RANBP10: variants seen among roughly 807,000 people sequenced by gnomAD.
RANBP10 encodes the protein RAN binding protein 10.
A neutral mutation model predicts 72.8 loss-of-function variants in RANBP10; 24 were observed. The ratio of observed to expected loss-of-function variants is 0.33; its 90% CI spans 0.24 to 0.46. The LOEUF (loss-of-function observed/expected upper bound fraction) is 0.46, where lower values mean the gene tolerates loss of function less well. RANBP10 is among the 20% of genes least tolerant of loss of function. RANBP10 has a pLI of 1.00. For missense variants in RANBP10, 679 were observed against 817.5 expected, an observed-to-expected ratio of 0.83 and a Z score of 2.07; for synonymous variants, 310 against 322.3, an observed-to-expected ratio of 0.96 and a Z score of 0.41.
At chr16:67,758,117 G>A (rs949026581) in intron 3 of RANBP10, among the ~76,000 whole-genome samples, 1 of 152,206 alleles carries the variant, frequency 6.6e-6, no homozygotes, top group Non-Finnish European at 1.5e-5. Flanking sequence ...TCCCCACTCA[G>A]AAGAAGTAGA....
intron 5 of RANBP10, among the ~76,000 whole-genome samples, chr16:67,736,902 T>C (rs1437263720): frequency 2.6e-5 from 4 of 152,152 alleles, no homozygotes; most frequent in Non-Finnish European, 5.9e-5. Flanking sequence ...ACAAAGGCAT[T>C]TCCTGGGGCA....
At chr16:67,766,670 C>T (rs1242761969) in intron 3 of RANBP10, among the ~76,000 whole-genome samples, 2 of 152,078 alleles carry the variant, frequency 1.3e-5, no homozygotes, top group Admixed American at 1.3e-4. Flanking sequence ...CATGTACAGC[C>T]CTGAATCATG....
At chr16:67,734,793 G>A in intron 6 of RANBP10, 65 bp downstream of exon 6, 2 of 1,425,870 alleles carry the variant, frequency 1.4e-6, no homozygotes, top group Non-Finnish European at 1.8e-6. Context: ...TAGCCCTACA[G>A]GGGCCTAGAG....
At chr16:67,801,696 C>T (rs891046587) in intron 2 of RANBP10, among the ~76,000 whole-genome samples, 1 of 152,078 alleles carries the variant, frequency 6.6e-6, no homozygotes, top group Admixed American at 6.6e-5. Flanking sequence ...CTCCTGCCTG[C>T]AATCCCAGCA....
At chr16:67,774,831 A>G (rs1346294667) in intron 2 of RANBP10, among the ~76,000 whole-genome samples, 1 of 152,094 alleles carries the variant, frequency 6.6e-6, no homozygotes, top group Admixed American at 6.6e-5. Flanking sequence ...TCTTCCAGAA[A>G]CTCTTCATAA....
intron 2 of RANBP10, among the ~76,000 whole-genome samples, chr16:67,781,035 G>A (rs574090846): frequency 6.6e-5 from 10 of 152,226 alleles, no homozygotes; most frequent in Non-Finnish European, 1.2e-4. Context: ...CATGTCCCAT[G>A]TGCTCTCAGA....
rs545448666 is a variant in RANBP10, at chr16:67,728,472, G to C, written c.1392C>G (p.Asn464Lys). The C allele has an allele frequency of 6.2e-7, 1 of 1,614,180 alleles. No individual in the cohort carries two copies. The highest frequency in any genetic ancestry group is 1.1e-5 in the South Asian group (1 of 91,086). The change falls in exon 11 of 14, where the codon AAC becomes AAG. Residue 464 changes from asparagine to lysine, a missense_variant. Transcript: ENST00000317506. ...GTGTGGACATGCTTCCTAGCACACC[G>C]TTGGGGTAGTGCTCTGCCTCCATCT... ...EMEMEAEHYPNGVLGSMSTRI... is the reference protein window; with the variant it reads ...EMEMEAEHYPKGVLGSMSTRI...
chr16:67,801,800 TA>T lies in RANBP10; in HGVS notation c.347+3627del, dbSNP rs1022696314. 6.4e-3 allele frequency among the ~76,000 whole-genome samples: 949 copies of T among 149,238 alleles called. 5 individuals carry two copies. The highest frequency in any genetic ancestry group is 0.022 in the African/African-American group (885 of 40,720). On this transcript the variant is annotated intron_variant, in intron 2 of 13. Transcript: ENST00000317506. ...CAAGATCCCATCTCTATAAAATAGT[TA>T]AAAAAAAAATCAGCTGGGCATGGTG...
At position 67,744,448 on chromosome 16, in the gene RANBP10, G is replaced by C; in HGVS notation, c.408C>G (p.Asp136Glu). The change falls in exon 4 of 14, where the codon GAC becomes GAG. Residue 136 changes from aspartate (D) to glutamate (E), a missense_variant. Physicochemically the swap from Asp to Glu is conservative, Grantham distance 45 (BLOSUM62 2). Coordinates refer to ENST00000317506, the MANE Select transcript of RANBP10 (RefSeq NM_020850.3). ...GVNMNRLPGW[D>E]KHSYGYHGDD... Reference sequence around the variant, plus strand: ...CACCATGGTAACCATAGGAATGTTTGTCCCAACCTGTGGGGGAAGAGAGCA... The same window carrying C: ...CACCATGGTAACCATAGGAATGTTTCTCCCAACCTGTGGGGGAAGAGAGCA... 1 of 1,612,756 alleles carries C rather than the reference G, an allele frequency of 6.2e-7. No homozygotes were observed. The highest frequency in any genetic ancestry group is 1.1e-5 in the South Asian group (1 of 90,896).
At chr16:67,780,021 C>T (rs1467862688) in intron 2 of RANBP10, among the ~76,000 whole-genome samples, 2 of 152,038 alleles carry the variant, frequency 1.3e-5, no homozygotes, top group Admixed American at 1.3e-4. Context: ...ATCACGAGGT[C>T]AAGAGATCCA....
At chr16:67,775,946 C>T (rs971589471) in intron 2 of RANBP10, among the ~76,000 whole-genome samples, 3 of 151,012 alleles carry the variant, frequency 2.0e-5, no homozygotes, top group South Asian at 4.2e-4. Flanking sequence ...GAGATCAAGA[C>T]CATCCTGGCC....
intron 2 of RANBP10, among the ~76,000 whole-genome samples, chr16:67,784,024 C>CAG (rs1165342667): frequency 9.3e-5 from 11 of 118,632 alleles, no homozygotes; most frequent in African/African-American, 2.3e-4. Flanking sequence ...GCCTGAGTGA[C>CAG]AGAGAGAGAG....
chr16:67,759,236 G>GTC (rs975006677), intron 3 of RANBP10, among the ~76,000 whole-genome samples: 5 of 152,222 alleles, frequency 3.3e-5, no homozygotes, highest in African/African-American at 1.2e-4. Flanking sequence ...TGTGCCAGGG[G>GTC]TCTCTCGGAA....
rs992244795 is a variant in RANBP10 at position 67,723,259 on chromosome 16, A to G, written c.*3169T>C. ...GACAAAGGCAAAACCAGTGTGCACAATGTGGAGGATGTCTGTTGCAGCTGT... is the reference window on the plus strand; with the variant it reads ...GACAAAGGCAAAACCAGTGTGCACAGTGTGGAGGATGTCTGTTGCAGCTGT... On this transcript the variant is annotated 3_prime_UTR_variant, in exon 14 of 14. Transcript: ENST00000317506. 6.6e-6 allele frequency: 1 copy of G among 152,652 alleles called. No homozygotes were observed. Among genetic ancestry groups the G allele is most frequent in the Admixed American group, 6.5e-5 (1 of 15,290 alleles). The allele number at this position is 152,652 out of a possible 1,614,324, so 9.5% of individuals were successfully genotyped here. A position where few individuals can be genotyped will look rare whatever the true frequency, so the allele number is the denominator to read the frequency against.
Position 67,772,090 on chromosome 16 carries a change from CAAAAAAAAAAA to C in RANBP10, c.348-15_348-5del, listed in dbSNP as rs35741053. On this transcript the variant is annotated splice_polypyrimidine_tract_variant and splice_region_variant and intron_variant, in intron 2 of 13. Coordinates refer to ENST00000317506, the MANE Select transcript of RANBP10 (RefSeq NM_020850.3). ...CGAGAGTCCTATTCCCATGTAACTT[CAAAAAAAAAAA>C]AAAAAAAAACACAAAATTTTTGGTT... The C allele has an allele frequency of 5.3e-6, 7 of 1,316,428 alleles. No homozygotes were observed. The highest frequency in any genetic ancestry group is 1.9e-5 in the African/African-American group (1 of 53,664). 81.5% of individuals were successfully genotyped at this position (1,316,428 alleles called of 1,614,324 possible).
At chr16:67,800,206 C>T (rs573611361) in intron 2 of RANBP10, among the ~76,000 whole-genome samples, 1 of 152,048 alleles carries the variant, frequency 6.6e-6, no homozygotes, top group Admixed American at 6.5e-5. Flanking sequence ...GAGTGCACTG[C>T]TGCCTGGCCA....
intron 2 of RANBP10, among the ~76,000 whole-genome samples, chr16:67,772,937 T>G (rs1039067932): frequency 4.6e-5 from 7 of 152,164 alleles, no homozygotes; most frequent in African/African-American, 1.7e-4. Flanking sequence ...CCTTTGCACT[T>G]GGGACTTTTT....
intron 7 of RANBP10, chr16:67,731,140 AAC>A: frequency 6.7e-6 from 2 of 300,338 alleles, no homozygotes; most frequent in South Asian, 6.3e-5. Context: ...GAAGACCATG[AAC>A]AGGAGGTTGA....
At chr16:67,771,907 C>A (rs2054613443) in intron 3 of RANBP10, 127 bp downstream of exon 3, 2 of 1,082,230 alleles carry the variant, frequency 1.8e-6, no homozygotes, top group Admixed American at 4.8e-5. Flanking sequence ...ATCCTCCAAC[C>A]AGTAGCATGG....
Sources: allele counts gnomAD v4.1 joint callset (sites outside exome capture counted in the v4.1 genomes callset), GRCh38; gene constraint gnomAD v4.1.1; transcripts MANE v1.5; gene names NCBI Gene and HGNC (gene_info 2026-07-23, HGNC 2026-07-21).